The following TBC1D5 variants were observed in gnomAD, a reference collection of about 807,000 sequenced individuals.
TBC1D5 encodes TBC1 domain family member 5, also known as TBC1 domain family, member 5.
A neutral mutation model predicts 100.3 loss-of-function variants in TBC1D5; 75 were observed. The ratio of observed to expected loss-of-function variants is 0.75; its 90% CI spans 0.62 to 0.91. The LOEUF (loss-of-function observed/expected upper bound fraction) is 0.91. Among genes scored for constraint, TBC1D5 ranks in the 40% least tolerant of loss-of-function variants. The pLI is 0.00. For synonymous variants in TBC1D5, 323 were observed against 325.6 expected (o/e 0.99, Z 0.09); for missense variants, 910 against 942.4 (o/e 0.97, Z 0.45).
At chr3:17,705,200 AC>A (rs1315947028) in intron 1 of TBC1D5, among the ~76,000 whole-genome samples, 1 of 60,430 alleles carries the variant, frequency 1.7e-5, no homozygotes, top group African/African-American at 6.3e-5. Context: ...CGGGGGGCTG[AC>A]CCCCCCACCT....
chr3:17,467,573 A>G (rs2095322350), intron 3 of TBC1D5, among the ~76,000 whole-genome samples: 1 of 151,988 alleles, frequency 6.6e-6, no homozygotes, highest in Non-Finnish European at 1.5e-5. Context: ...TTTACTCAAC[A>G]CTACAGAATG....
chr3:17,238,458 G>A, intron 16 of TBC1D5, 39 bp from the exon 17 acceptor site: 1 of 1,580,456 alleles, frequency 6.3e-7, no homozygotes, highest in Non-Finnish European at 8.6e-7. Context: ...ATTTACATTA[G>A]AGGATGATTC....
chr3:17,305,087 C>T (rs1387447236), intron 14 of TBC1D5, among the ~76,000 whole-genome samples: 1 of 152,172 alleles, frequency 6.6e-6, no homozygotes, highest in Non-Finnish European at 1.5e-5. Context: ...TCTGCTCAAC[C>T]AGTCCATTGA....
chr3:17,640,873 A>G (rs2064432342), intron 1 of TBC1D5, among the ~76,000 whole-genome samples: 1 of 152,070 alleles, frequency 6.6e-6, no homozygotes, highest in Non-Finnish European at 1.5e-5. Context: ...AGGCCCTACT[A>G]TGTGAGAATC....
chr3:17,509,788 T>G lies in TBC1D5; in HGVS notation c.-35-1183A>C, dbSNP rs9810793. Among the ~76,000 whole-genome samples, 143 of 152,190 alleles carry G rather than the reference T, an allele frequency of 9.4e-4. 1 individual carries two copies. Among genetic ancestry groups the G allele is most frequent in the African/African-American group, 3.3e-3 (137 of 41,582 alleles). ...AAATGTATCTGTATCTCCAGTATAA[T>G]ATCCACCTCTGGTGTTATACTTACA... On this transcript the variant is annotated intron_variant, in intron 2 of 21. Coordinates refer to ENST00000253692, the Ensembl canonical transcript of TBC1D5.
intron 4 of TBC1D5, among the ~76,000 whole-genome samples, chr3:17,424,354 G>A (rs532503287): frequency 1.3e-5 from 2 of 152,274 alleles, no homozygotes; most frequent in African/African-American, 2.4e-5. Flanking sequence ...GAGGAGAGGA[G>A]TGGCCTGTGC....
exon 17 of TBC1D5, chr3:17,238,387 T>C (rs1385777857): frequency 1.9e-6 from 3 of 1,613,728 alleles, no homozygotes; most frequent in East Asian, 2.2e-5. Flanking sequence ...AGAGACCTTA[T>C]TTATATTCAG....
chr3:17,673,467 T>G (rs2068221483), intron 1 of TBC1D5, among the ~76,000 whole-genome samples: 1 of 147,550 alleles, frequency 6.8e-6, no homozygotes, highest in Non-Finnish European at 1.5e-5. Flanking sequence ...TGTGCCACCA[T>G]GCCCAGATAA....
intron 1 of TBC1D5, among the ~76,000 whole-genome samples, chr3:17,703,870 T>C (rs2073554043): frequency 6.6e-6 from 1 of 151,924 alleles, no homozygotes; most frequent in Non-Finnish European, 1.5e-5. Context: ...CTAAAAATCA[T>C]ACTTAAAAAG....
chr3:17,516,609 C>CT (rs1264231980), intron 2 of TBC1D5, among the ~76,000 whole-genome samples: 2 of 152,130 alleles, frequency 1.3e-5, no homozygotes, highest in African/African-American at 4.8e-5. Flanking sequence ...GCTTATCATA[C>CT]ATTTTTGTAA....
exon 22 of TBC1D5, chr3:17,158,059 A>G (rs1159372616): frequency 1.3e-5 from 2 of 152,272 alleles, no homozygotes; most frequent in Non-Finnish European, 2.9e-5. Context: ...AGAGTAATCC[A>G]GTGTAACTAA....
chr3:17,503,306 A>G (rs905712789), intron 3 of TBC1D5, among the ~76,000 whole-genome samples: 2 of 149,402 alleles, frequency 1.3e-5, no homozygotes, highest in African/African-American at 5.1e-5. Context: ...TAGACATCAC[A>G]CCTTCCTTGA....
chr3:17,626,649 G>A (rs1264781012), intron 1 of TBC1D5, among the ~76,000 whole-genome samples: 2 of 152,136 alleles, frequency 1.3e-5, no homozygotes, highest in East Asian at 3.8e-4. Context: ...CACAGAGGGG[G>A]CAAGACAAGA....
At chr3:17,433,632 C>T (rs1396508154) in intron 3 of TBC1D5, among the ~76,000 whole-genome samples, 1 of 152,056 alleles carries the variant, frequency 6.6e-6, no homozygotes, top group Non-Finnish European at 1.5e-5. Flanking sequence ...GGGGGCACGG[C>T]CCAACCATAT....
intron 16 of TBC1D5, among the ~76,000 whole-genome samples, chr3:17,250,842 TTTGA>T (rs1289353016): frequency 6.6e-6 from 1 of 152,252 alleles, no homozygotes; most frequent in Non-Finnish European, 1.5e-5. Flanking sequence ...TGTGGTATAT[TTTGA>T]TTGTTTCTTG....
At position 17,214,388 on chromosome 3, in the gene TBC1D5, T is replaced by C. The variant is rs1169696657; in HGVS notation, c.1589-18A>G. 1 of 1,606,352 alleles carries C rather than the reference T, an allele frequency of 6.2e-7. No individual in the cohort carries two copies. Among genetic ancestry groups the C allele is most frequent in the Non-Finnish European group, 8.5e-7 (1 of 1,177,744 alleles). On this transcript the variant is annotated intron_variant, in intron 17 of 21. Transcript: ENST00000253692. ...ACTTAGCCCTGTAAGAAAAATTAAG[T>C]AGCAATAATGAAACACCAGACTCTT... is the stretch of plus-strand genomic sequence containing the variant.
chr3:17,600,198 T>C (rs2060838313), intron 2 of TBC1D5, among the ~76,000 whole-genome samples: 1 of 145,330 alleles, frequency 6.9e-6, no homozygotes, highest in African/African-American at 2.7e-5. Context: ...AGTTGTGATC[T>C]CTATGATTCA....
chr3:17,646,959 A>G lies in TBC1D5; in HGVS notation c.-100-23046T>C, dbSNP rs529759764. The G allele has an allele frequency of 2.0e-5, 3 of 151,966 alleles. No individual in the cohort carries two copies. The East Asian group carries it at 5.8e-4, about 29-fold the overall frequency. 9.4% of individuals were successfully genotyped at this position (151,966 alleles called of 1,614,324 possible). On this transcript the variant is annotated intron_variant, in intron 1 of 21. Transcript: ENST00000253692. Reference sequence around the variant, plus strand: ...TCCATCTTTATGTCCATGCATACATACCCACTGCTTAGCTCCCAATTTTAA... The same window carrying G: ...TCCATCTTTATGTCCATGCATACATGCCCACTGCTTAGCTCCCAATTTTAA...
intron 15 of TBC1D5, among the ~76,000 whole-genome samples, chr3:17,260,412 TA>T (rs1356335085): frequency 6.6e-6 from 1 of 152,176 alleles, no homozygotes; most frequent in Non-Finnish European, 1.5e-5. Flanking sequence ...TCTAAGCACT[TA>T]AAGCCATTAT....
Sources: allele counts gnomAD v4.1 joint callset (sites outside exome capture counted in the v4.1 genomes callset), GRCh38; gene constraint gnomAD v4.1.1; transcripts MANE v1.5; gene names NCBI Gene and HGNC (gene_info 2026-07-23, HGNC 2026-07-21).